LHCGR: variants seen among roughly 807,000 people sequenced by gnomAD.
LHCGR encodes luteinizing hormone/choriogonadotropin receptor, also known as lutropin-choriogonadotropic hormone receptor.
Under a neutral mutation model 60.7 loss-of-function variants are expected in LHCGR, and 55 were observed. The ratio of observed to expected loss-of-function variants is 0.91; its 90% CI spans 0.73 to 1.13. The LOEUF is 1.13. Among genes scored for constraint, LHCGR ranks in the 50% most tolerant of loss-of-function variants. The pLI, the probability that LHCGR is intolerant of heterozygous loss-of-function variation, is 0.00. For missense variants in LHCGR, 862 were observed against 836.0 expected (o/e 1.03, Z -0.38); for synonymous variants, 337 against 316.5 (o/e 1.06, Z -0.69).
intron 10 of LHCGR, among the ~76,000 whole-genome samples, chr2:48,691,447 C>G (rs867382679): frequency 2.0e-5 from 3 of 152,190 alleles, no homozygotes; most frequent in African/African-American, 4.8e-5. Context: ...TTTGTTTGTC[C>G]TCTTCTCACA....
In LHCGR at chr2:48,736,329, C is replaced by T. The variant is rs573587389; in HGVS notation, c.162-5031G>A. ...GGGTGGGACTACTCAGAAGGACCAT[C>T]CTATCTTTAGACCTTCTTCCTATCA... On this transcript the variant is annotated intron_variant, in intron 1 of 10. Coordinates refer to ENST00000294954, the MANE Select transcript of LHCGR (RefSeq NM_000233.4). Among the ~76,000 whole-genome samples, 17 of 152,304 alleles carry T rather than the reference C, an allele frequency of 1.1e-4. No homozygotes were observed. The South Asian group carries it at 3.5e-3, about 32-fold the overall frequency.
At chr2:48,740,170 G>C (rs1351967145) in intron 1 of LHCGR, among the ~76,000 whole-genome samples, 2 of 152,242 alleles carry the variant, frequency 1.3e-5, no homozygotes, top group Non-Finnish European at 2.9e-5. Flanking sequence ...ATTATATCCC[G>C]CACCTGGCTC....
intron 9 of LHCGR, among the ~76,000 whole-genome samples, chr2:48,698,407 C>T (rs1236240175): frequency 6.6e-6 from 1 of 152,176 alleles, no homozygotes; most frequent in Non-Finnish European, 1.5e-5. Context: ...CTTCTAGCTG[C>T]AGGGTGAATC....
intron 7 of LHCGR, among the ~76,000 whole-genome samples, chr2:48,712,841 G>A (rs1205191884): frequency 1.3e-5 from 2 of 152,120 alleles, no homozygotes; most frequent in Middle Eastern, 3.2e-3. Context: ...CTTGCTTAAG[G>A]TCATACCAGC....
intron 6 of LHCGR, among the ~76,000 whole-genome samples, chr2:48,717,964 CTTG>C (rs1462766980): frequency 1.3e-5 from 2 of 150,214 alleles, no homozygotes; most frequent in East Asian, 2.0e-4. Flanking sequence ...AATGTGCTGC[CTTG>C]TTGTGATTAA....
At chr2:48,731,167 C>T (rs1275794029) in intron 2 of LHCGR, 60 bp downstream of exon 2, 3 of 1,199,980 alleles carry the variant, frequency 2.5e-6, no homozygotes, top group Non-Finnish European at 3.7e-6. Flanking sequence ...TGTGTTTTCT[C>T]TTAGAAAAAA....
At chr2:48,712,479 C>T (rs145715222) in intron 7 of LHCGR, among the ~76,000 whole-genome samples, 3 of 152,084 alleles carry the variant, frequency 2.0e-5, no homozygotes, top group African/African-American at 7.2e-5. Flanking sequence ...ATTTAATTGG[C>T]CAGAGTGAAC....
At chr2:48,744,682 A>G (rs1043331000) in intron 1 of LHCGR, among the ~76,000 whole-genome samples, 2 of 129,796 alleles carry the variant, frequency 1.5e-5, no homozygotes, top group African/African-American at 3.0e-5. Context: ...TACACCTTAT[A>G]CAAAAATCAA....
At chr2:48,729,114 T>C (rs1403220941) in intron 3 of LHCGR, 39 bp downstream of exon 3, 2 of 1,436,426 alleles carry the variant, frequency 1.4e-6, no homozygotes, top group Non-Finnish European at 2.0e-6. Context: ...GTGAGGGTAA[T>C]AGTGTACAGC....
intron 1 of LHCGR, among the ~76,000 whole-genome samples, chr2:48,740,972 T>C (rs1210034799): frequency 6.6e-6 from 1 of 152,098 alleles, no homozygotes; most frequent in Non-Finnish European, 1.5e-5. Context: ...ATAACTAGAA[T>C]AACCGATACA....
rs184978404 is a variant in LHCGR, at chr2:48,702,517, G to C, written c.681-3717C>G. Reference sequence around the variant, plus strand: ...TATGAGTGAGAACATGCGGTGTTTAGTTTTCTGTCCTTGTGATAGTTTGTT... The same window carrying C: ...TATGAGTGAGAACATGCGGTGTTTACTTTTCTGTCCTTGTGATAGTTTGTT... On this transcript the variant is annotated intron_variant, in intron 8 of 10. Transcript: ENST00000294954. Among the ~76,000 whole-genome samples, 661 of 152,124 alleles carry C rather than the reference G, an allele frequency of 4.3e-3. 2 individuals are homozygous for C. Among genetic ancestry groups the C allele is most frequent in the South Asian group, 0.012 (60 of 4,820 alleles).
chr2:48,705,617 T>C (rs1413696184), intron 8 of LHCGR, among the ~76,000 whole-genome samples: 1 of 152,262 alleles, frequency 6.6e-6, no homozygotes, highest in African/African-American at 2.4e-5. Context: ...GCTCTTCTTA[T>C]TGAATTGATC....
At chr2:48,702,456 T>C (rs529241928) in intron 8 of LHCGR, among the ~76,000 whole-genome samples, 2 of 151,488 alleles carry the variant, frequency 1.3e-5, no homozygotes, top group East Asian at 1.9e-4. Flanking sequence ...ATGTTCCCCC[T>C]CCGTGTCGAT....
At chr2:48,745,589 C>T (rs912162523) in intron 1 of LHCGR, among the ~76,000 whole-genome samples, 25 of 151,086 alleles carry the variant, frequency 1.7e-4, no homozygotes, top group Non-Finnish European at 3.2e-4. Flanking sequence ...AGTAAACTAT[C>T]GCAAGAACAA....
chr2:48,724,389 T>G (rs1295267893), intron 4 of LHCGR, among the ~76,000 whole-genome samples: 2 of 152,204 alleles, frequency 1.3e-5, no homozygotes, highest in African/African-American at 2.4e-5. Flanking sequence ...ATTTCCCCAC[T>G]GGAGTTTTAG....
intron 8 of LHCGR, among the ~76,000 whole-genome samples, chr2:48,707,313 T>C (rs1423133892): frequency 6.6e-6 from 1 of 152,212 alleles, no homozygotes; most frequent in Admixed American, 6.5e-5. Flanking sequence ...AGAGCTCTCC[T>C]GTGTGAGGTG....
chr2:48,728,721 G>T (rs1204981008), intron 3 of LHCGR, among the ~76,000 whole-genome samples: 1 of 152,022 alleles, frequency 6.6e-6, no homozygotes, highest in East Asian at 1.9e-4. Context: ...ACACACACAT[G>T]CCTATCACAC....
chr2:48,694,355 A>T, intron 9 of LHCGR, 51 bp from the exon 10 acceptor site: 1 of 1,088,826 alleles, frequency 9.2e-7, no homozygotes, highest in Non-Finnish European at 1.4e-6. Flanking sequence ...ACTTCAGGCT[A>T]AACCTGACTG....
At chr2:48,691,452 CT>C (rs1558805911) in intron 10 of LHCGR, among the ~76,000 whole-genome samples, 1 of 152,186 alleles carries the variant, frequency 6.6e-6, no homozygotes, top group Non-Finnish European at 1.5e-5. Flanking sequence ...TTGTCCTCTT[CT>C]CACAGACATC....
Sources: gnomAD v4.1 joint callset for allele counts (sites outside exome capture counted in the v4.1 genomes callset) on GRCh38, gnomAD v4.1.1 for gene constraint, MANE v1.5 for transcripts, NCBI Gene and HGNC (gene_info 2026-07-23, HGNC 2026-07-21) for gene names.